The following MEAK7 variants were observed in gnomAD, a reference collection of about 807,000 sequenced individuals.
MEAK7 encodes the protein MTOR-associated protein MEAK7.
In MEAK7, 68 loss-of-function variants were observed where a neutral mutation model predicts 40.5. That is an observed-to-expected ratio of 1.68 (90% CI 1.38 to 2.06). The LOEUF (loss-of-function observed/expected upper bound fraction) is 2.06, where lower values mean the gene tolerates loss of function less well. Ranked by LOEUF, MEAK7 falls within the 30% of genes most tolerant of loss-of-function variation. The pLI, the probability that MEAK7 is intolerant of heterozygous loss-of-function variation, is 0.00. For synonymous variants in MEAK7, 338 were observed against 231.9 expected (o/e 1.46, Z -4.16); for missense variants, 918 against 580.5 (o/e 1.58, Z -5.98).
intron 3 of MEAK7, among the ~76,000 whole-genome samples, chr16:84,490,653 GATGTGTGTGT>G (rs1478963207): frequency 3.1e-4 from 32 of 104,500 alleles, no homozygotes; most frequent in Admixed American, 3.8e-4. Flanking sequence ...AGCTAATCAA[GATGTGTGTGT>G]GTGTGTGTGT....
chr16:84,486,862 CA>C lies in MEAK7; in HGVS notation c.726del (p.Phe242LeufsTer73). 6.2e-7 allele frequency: 1 copy of C among 1,614,174 alleles called. No homozygotes were observed. Among genetic ancestry groups the C allele is most frequent in the Non-Finnish European group, 8.5e-7 (1 of 1,180,036 alleles). ...PERQVDQGRGFESILDVLSVM... is the reference protein window; with the variant it reads ...PERQVDQGRGXESILDVLSVM... Reference sequence around the variant, plus strand: ...ACAGAGAGGACATCCAGGATGCTCTCAAAACCCCTGCCCTGGTCCACTTGAC... The same window carrying C: ...ACAGAGAGGACATCCAGGATGCTCTCAAACCCCTGCCCTGGTCCACTTGAC... On this transcript the variant is annotated frameshift_variant, in exon 5 of 8. Transcript: ENST00000343629. LOFTEE classifies it high-confidence loss of function.
intron 4 of MEAK7, chr16:84,487,923 T>C (rs572592171): frequency 6.6e-6 from 1 of 152,342 alleles, no homozygotes; most frequent in Non-Finnish European, 1.5e-5. Context: ...TCTTAAGCTC[T>C]TGCTGACACA....
intron 4 of MEAK7, 81 bp from the exon 5 acceptor site, chr16:84,487,140 G>C: frequency 7.1e-7 from 1 of 1,408,126 alleles, no homozygotes; most frequent in Non-Finnish European, 9.6e-7. Context: ...TGATCAGTGT[G>C]GGAGCCACGA....
At position 84,480,513 on chromosome 16, in the gene MEAK7, G is replaced by A. The variant is rs766419319; in HGVS notation, c.1257+16C>T. ...TCAAGGGGCCATCCTGGGATGCAGA[G>A]GACAGCTCCACTCACCAACTGCTCC... On this transcript the variant is annotated intron_variant, in intron 7 of 7. Coordinates refer to ENST00000343629, the MANE Select transcript of MEAK7 (RefSeq NM_020947.4). 5.0e-6 allele frequency: 8 copies of A among 1,595,588 alleles called. No homozygotes were observed. Among genetic ancestry groups the A allele is most frequent in the African/African-American group, 2.7e-5 (2 of 74,364 alleles).
chr16:84,495,186 T>C (rs375995799), intron 3 of MEAK7, among the ~76,000 whole-genome samples: 38 of 152,270 alleles, frequency 2.5e-4, no homozygotes, highest in East Asian at 1.2e-3. Context: ...GGAGAACCAC[T>C]TGAACCTGAG....
rs188451200 is a variant in MEAK7 at position 84,483,344 on chromosome 16, C to G, written c.959-634G>C. On this transcript the variant is annotated intron_variant, in intron 5 of 7. Coordinates refer to ENST00000343629, the MANE Select transcript of MEAK7 (RefSeq NM_020947.4). ...CCTCCACTCCATAAGCACCTCAGCA[C>G]TGGGGACAGGGCCGTAGGCCAGGCC... 8.3e-3 allele frequency among the ~76,000 whole-genome samples: 1,263 copies of G among 152,374 alleles called. 5 individuals are homozygous for G. Among genetic ancestry groups the G allele is most frequent in the Non-Finnish European group, 0.014 (970 of 68,040 alleles).
chr16:84,487,324 C>A, intron 4 of MEAK7: 3 of 408,104 alleles, frequency 7.4e-6, no homozygotes, highest in South Asian at 3.5e-5. Context: ...TTATTAGAAT[C>A]AGTTTTCCCC....
At chr16:84,485,341 A>G (rs1912937682) in intron 5 of MEAK7, among the ~76,000 whole-genome samples, 1 of 152,190 alleles carries the variant, frequency 6.6e-6, no homozygotes, top group Non-Finnish European at 1.5e-5. Flanking sequence ...AAACAATGCA[A>G]TCTAGGAGAT....
intron 2 of MEAK7, among the ~76,000 whole-genome samples, chr16:84,496,289 G>C (rs1914044511): frequency 6.6e-6 from 1 of 152,158 alleles, no homozygotes; most frequent in South Asian, 2.1e-4. Flanking sequence ...TGGGCTACGT[G>C]AATGACATAC....
At chr16:84,482,177 C>A (rs1292037825) in intron 6 of MEAK7, among the ~76,000 whole-genome samples, 2 of 152,194 alleles carry the variant, frequency 1.3e-5, no homozygotes, top group Admixed American at 6.5e-5. Flanking sequence ...GTCACCCCAA[C>A]TGGGGCCCCA....
intron 3 of MEAK7, among the ~76,000 whole-genome samples, chr16:84,492,811 A>C (rs2150639266): frequency 6.6e-6 from 1 of 152,230 alleles, no homozygotes; most frequent in East Asian, 1.9e-4. Context: ...TGAACTCTTG[A>C]CCTCAGATAA....
At position 84,495,890 on chromosome 16, in the gene MEAK7, G is replaced by A. The variant is rs1914004983; in HGVS notation, c.177C>T (p.Pro59=). 1 of 1,614,028 alleles carries A rather than the reference G, an allele frequency of 6.2e-7. No individual in the cohort carries two copies. Among genetic ancestry groups the A allele is most frequent in the Non-Finnish European group, 8.5e-7 (1 of 1,180,022 alleles). Residue 59 remains proline, a synonymous_variant, in exon 3 of 8, where the codon CCC becomes CCT. Coordinates refer to ENST00000343629, the MANE Select transcript of MEAK7 (RefSeq NM_020947.4). The part of the protein sequence containing the change: ...ALQNHVGEAL[P]PEMVTRLYDG... The stretch of plus-strand genomic sequence containing the variant: ...CATACAGCCTGGTGACCATCTCTGG[G>A]GGAAGAGCTTCCCCGACGTGGTTCT...
Position 84,477,001 on chromosome 16 carries a change from C to T in MEAK7, c.*2912G>A, listed in dbSNP as rs1161711504. ...CAACCTTCCAGGCCTAAATGATCCT[C>T]ACACCTCAGCCTCCCAAGTAGCTAG... On this transcript the variant is annotated 3_prime_UTR_variant, in exon 8 of 8. Transcript: ENST00000343629. 1.3e-5 allele frequency: 2 copies of T among 152,022 alleles called. No individual in the cohort carries two copies. The allele number at this position is 152,022 out of a possible 1,614,324, so 9.4% of individuals were successfully genotyped here. A position where few individuals can be genotyped will look rare whatever the true frequency, so the allele number is the denominator to read the frequency against.
At position 84,504,582 on chromosome 16, in the gene MEAK7, C is replaced by CCT. The variant is rs1914748150; in HGVS notation, c.-26+17_-26+18dup. The CCT allele has an allele frequency of 1.0e-6, 1 of 985,600 alleles. No homozygotes were observed. The highest frequency in any genetic ancestry group is 6.1e-5 in the Admixed American group (1 of 16,272). 61.1% of individuals were successfully genotyped at this position (985,600 alleles called of 1,614,324 possible). On this transcript the variant is annotated intron_variant, in intron 1 of 7. Transcript: ENST00000343629. ...CGCCTCTGGGTCAGCTCACTGCGAA[C>CCT]CTCAGCCCAGGTACCTACCCTGCCG...
intron 3 of MEAK7, among the ~76,000 whole-genome samples, chr16:84,490,768 C>T (rs1442481538): frequency 2.0e-5 from 3 of 150,876 alleles, no homozygotes; most frequent in Non-Finnish European, 4.4e-5. Context: ...TTATTTCCTT[C>T]TCAATCAACT....
Position 84,479,641 on chromosome 16 carries a change from A to T in MEAK7, c.*272T>A, listed in dbSNP as rs1231468765. Reference sequence around the variant, plus strand: ...AAAGAACAAAGTATAAGACTGAGTTACTAATTTGACACAAGATTTCTTGGA... The same window carrying T: ...AAAGAACAAAGTATAAGACTGAGTTTCTAATTTGACACAAGATTTCTTGGA... On this transcript the variant is annotated 3_prime_UTR_variant, in exon 8 of 8. Coordinates refer to ENST00000343629, the MANE Select transcript of MEAK7 (RefSeq NM_020947.4). 3.0e-6 allele frequency: 1 copy of T among 332,596 alleles called. No homozygotes were observed. Among genetic ancestry groups the T allele is most frequent in the South Asian group, 1.5e-4 (1 of 6,580 alleles). The allele number at this position is 332,596 out of a possible 1,614,324, so 20.6% of individuals were successfully genotyped here.
At chr16:84,488,816 G>A (rs915845811) in intron 4 of MEAK7, among the ~76,000 whole-genome samples, 2 of 152,162 alleles carry the variant, frequency 1.3e-5, no homozygotes, top group Admixed American at 1.3e-4. Flanking sequence ...ATGTGCAAGT[G>A]TAAATGCTTA....
At chr16:84,498,886 C>G (rs2150647218) in intron 1 of MEAK7, among the ~76,000 whole-genome samples, 1 of 152,316 alleles carries the variant, frequency 6.6e-6, no homozygotes, top group East Asian at 1.9e-4. Context: ...GTGATCCTGG[C>G]TCTGCCTCCT....
intron 3 of MEAK7, 144 bp downstream of exon 3, chr16:84,495,539 G>T: frequency 1.3e-6 from 1 of 749,128 alleles, no homozygotes; most frequent in Non-Finnish European, 2.2e-6. Flanking sequence ...CTTAACCTTG[G>T]CAAAATAAAC....
Sources: gnomAD v4.1 joint callset for allele counts (sites outside exome capture counted in the v4.1 genomes callset) on GRCh38, gnomAD v4.1.1 for gene constraint, MANE v1.5 for transcripts, NCBI Gene and HGNC (gene_info 2026-07-23, HGNC 2026-07-21) for gene names.